The following GRID2 variants were observed in gnomAD, a reference collection of about 807,000 sequenced individuals.
The protein encoded by GRID2 is glutamate receptor ionotropic, delta-2.
GRID2 carries 33 observed loss-of-function variants against 114.8 expected under a neutral mutation model. That is an observed-to-expected ratio of 0.29 (90% CI 0.22 to 0.38). The LOEUF (loss-of-function observed/expected upper bound fraction) is 0.38, where lower values mean the gene tolerates loss of function less well. GRID2 is among the 10% of genes least tolerant of loss of function. The pLI, the probability that GRID2 is intolerant of heterozygous loss-of-function variation, is 1.00. For synonymous variants in GRID2, 505 were observed against 449.9 expected (o/e 1.12, Z -1.55); for missense variants, 1,184 against 1,257.7 (o/e 0.94, Z 0.89).
chr4:93,357,604 AT>A (rs1286214825), intron 8 of GRID2, among the ~76,000 whole-genome samples: 1 of 151,446 alleles, frequency 6.6e-6, no homozygotes. Flanking sequence ...ATATTTCATT[AT>A]TTTGCAGCAA....
At chr4:93,138,716 C>A (rs968342563) in intron 4 of GRID2, among the ~76,000 whole-genome samples, 10 of 152,194 alleles carry the variant, frequency 6.6e-5, no homozygotes, top group Non-Finnish European at 1.2e-4. Flanking sequence ...TTGCCAACAG[C>A]TTTCTTAAAG....
chr4:92,956,776 T>C (rs1366617688), intron 2 of GRID2, among the ~76,000 whole-genome samples: 2 of 152,228 alleles, frequency 1.3e-5, no homozygotes, highest in Non-Finnish European at 2.9e-5. Flanking sequence ...CCAGTGGTAA[T>C]GAATGAAAGT....
At position 92,939,542 on chromosome 4, in the gene GRID2, G is replaced by T. The variant is rs551841212; in HGVS notation, c.245-145453G>T. Among the ~76,000 whole-genome samples, 30 of 147,046 alleles carry T rather than the reference G, an allele frequency of 2.0e-4. 3 individuals carry two copies. The highest frequency in any genetic ancestry group is 5.9e-4 in the Admixed American group (8 of 13,658). On this transcript the variant is annotated intron_variant, in intron 2 of 15. Coordinates refer to ENST00000282020, the MANE Select transcript of GRID2 (RefSeq NM_001510.4). Reference sequence around the variant, plus strand: ...CCTGTTCACTCTGATAGTAGTTTCTGTTGCTGTGCAGAAGCTCTTTAGTTT... The same window carrying T: ...CCTGTTCACTCTGATAGTAGTTTCTTTTGCTGTGCAGAAGCTCTTTAGTTT...
chr4:93,081,088 A>G (rs985470136), intron 2 of GRID2, among the ~76,000 whole-genome samples: 11 of 151,840 alleles, frequency 7.2e-5, no homozygotes, highest in African/African-American at 2.2e-4. Context: ...CGAGTTTTCA[A>G]TATTTCAACT....
intron 1 of GRID2, among the ~76,000 whole-genome samples, chr4:92,319,043 G>A (rs547077852): frequency 2.6e-4 from 39 of 152,158 alleles, no homozygotes; most frequent in South Asian, 1.2e-3. Context: ...TTCATAATGC[G>A]TATTTTAAAT....
intron 10 of GRID2, among the ~76,000 whole-genome samples, chr4:93,450,352 C>T (rs1004361575): frequency 1.3e-5 from 2 of 151,660 alleles, no homozygotes; most frequent in African/African-American, 2.4e-5. Context: ...ATTTCAAATG[C>T]AAAATTTTCA....
intron 2 of GRID2, among the ~76,000 whole-genome samples, chr4:92,720,942 T>A (rs1735780796): frequency 6.6e-6 from 1 of 152,086 alleles, no homozygotes; most frequent in South Asian, 2.1e-4. Flanking sequence ...CAAAATGTGG[T>A]ATAAATATAA....
intron 1 of GRID2, among the ~76,000 whole-genome samples, chr4:92,415,428 G>A (rs1238201792): frequency 6.6e-6 from 1 of 151,840 alleles, no homozygotes; most frequent in Non-Finnish European, 1.5e-5. Flanking sequence ...TACCCAAGCA[G>A]TGTACACTGT....
chr4:92,357,805 T>C (rs1156355197), intron 1 of GRID2, among the ~76,000 whole-genome samples: 1 of 151,918 alleles, frequency 6.6e-6, no homozygotes, highest in Non-Finnish European at 1.5e-5. Context: ...AAAATACATA[T>C]TTATTTGACA....
chr4:92,502,539 G>A (rs535661443), intron 1 of GRID2, among the ~76,000 whole-genome samples: 1 of 151,976 alleles, frequency 6.6e-6, no homozygotes, highest in East Asian at 1.9e-4. Flanking sequence ...AAGAAGTCTG[G>A]TCTGGAACAT....
At chr4:92,699,403 T>C (rs1387586560) in intron 2 of GRID2, among the ~76,000 whole-genome samples, 1 of 152,188 alleles carries the variant, frequency 6.6e-6, no homozygotes. Flanking sequence ...CATCTGCCAT[T>C]TAAATAGCTG....
At chr4:92,361,906 G>A (rs1321947276) in intron 1 of GRID2, among the ~76,000 whole-genome samples, 1 of 151,964 alleles carries the variant, frequency 6.6e-6, no homozygotes, top group Admixed American at 6.6e-5. Flanking sequence ...CAGTTAATTA[G>A]AGGAGTGGCA....
At chr4:93,666,030 A>G (rs2149744365) in intron 14 of GRID2, among the ~76,000 whole-genome samples, 1 of 152,252 alleles carries the variant, frequency 6.6e-6, no homozygotes, top group African/African-American at 2.4e-5. Context: ...ACTGACCACA[A>G]GCCCCTGAAG....
chr4:92,961,501 A>G (rs1303128700), intron 2 of GRID2, among the ~76,000 whole-genome samples: 1 of 151,506 alleles, frequency 6.6e-6, no homozygotes, highest in South Asian at 2.1e-4. Flanking sequence ...ATTTCATTTA[A>G]TTCTTTTCTT....
rs138178932 is a variant in GRID2 at position 92,699,983 on chromosome 4, T to C, written c.244+109697T>C. Among the ~76,000 whole-genome samples the C allele has an allele frequency of 2.5e-3, 386 of 152,342 alleles. 5 individuals are homozygous for C. The highest frequency in any genetic ancestry group is 3.4e-3 in the Admixed American group (52 of 15,304). On this transcript the variant is annotated intron_variant, in intron 2 of 15. Transcript: ENST00000282020. Reference sequence around the variant, plus strand: ...TCTATTAAAATATAGATGTCTTTAATGTGTACTTTAAGATAAAGCAAAATT... The same window carrying C: ...TCTATTAAAATATAGATGTCTTTAACGTGTACTTTAAGATAAAGCAAAATT...
At chr4:92,752,781 C>T (rs1737516085) in intron 2 of GRID2, among the ~76,000 whole-genome samples, 2 of 152,082 alleles carry the variant, frequency 1.3e-5, no homozygotes, top group Non-Finnish European at 2.9e-5. Flanking sequence ...ATGTAAATGA[C>T]TTATTAATAG....
At chr4:93,734,297 G>A (rs1011543376) in intron 14 of GRID2, among the ~76,000 whole-genome samples, 14 of 151,790 alleles carry the variant, frequency 9.2e-5, no homozygotes, top group African/African-American at 3.4e-4. Flanking sequence ...CTTTTCCTTA[G>A]AATAAGTAGT....
chr4:93,739,026 A>C (rs964323807), intron 14 of GRID2, among the ~76,000 whole-genome samples: 1 of 151,984 alleles, frequency 6.6e-6, no homozygotes, highest in Non-Finnish European at 1.5e-5. Context: ...ATATTTTCCT[A>C]AAAGAGAGCA....
chr4:92,937,557 T>C (rs1449507288), intron 2 of GRID2, among the ~76,000 whole-genome samples: 1 of 146,540 alleles, frequency 6.8e-6, no homozygotes, highest in Non-Finnish European at 1.5e-5. Context: ...CTTATGCCAA[T>C]GATCCATATA....
Sources: gnomAD v4.1 joint callset for allele counts (sites outside exome capture counted in the v4.1 genomes callset) on GRCh38, gnomAD v4.1.1 for gene constraint, MANE v1.5 for transcripts, NCBI Gene and HGNC (gene_info 2026-07-23, HGNC 2026-07-21) for gene names.